Variants in ZNF592 observed in about 807,000 individuals in gnomAD.
ZNF592 encodes the protein spinocerebellar ataxia, autosomal recessive 5.
ZNF592 carries 11 observed loss-of-function variants against 80.3 expected under a neutral mutation model. The observed-to-expected ratio is 0.14, with a 90% CI of 0.09 to 0.23. The LOEUF (loss-of-function observed/expected upper bound fraction) is 0.23, where lower values mean the gene tolerates loss of function less well. Ranked by LOEUF, ZNF592 falls within the 10% of genes least tolerant of loss-of-function variation. The pLI is 1.00. For synonymous variants in ZNF592, 646 were observed against 640.3 expected (o/e 1.01, Z -0.13); for missense variants, 1,420 against 1,633.9 (o/e 0.87, Z 2.26).
At chr15:84,754,295 G>A (rs1045264417) in intron 1 of ZNF592, among the ~76,000 whole-genome samples, 5 of 152,118 alleles carry the variant, frequency 3.3e-5, no homozygotes, top group African/African-American at 9.7e-5. Flanking sequence ...ACGGTGGCTC[G>A]TGCTTGTAAT....
At chr15:84,761,433 G>A (rs1364913798) in intron 1 of ZNF592, among the ~76,000 whole-genome samples, 1 of 152,228 alleles carries the variant, frequency 6.6e-6, no homozygotes, top group East Asian at 1.9e-4. Flanking sequence ...ACATCAGTGA[G>A]ACTTGGTAAT....
intron 1 of ZNF592, among the ~76,000 whole-genome samples, chr15:84,757,395 G>A (rs988143226): frequency 6.7e-6 from 1 of 149,620 alleles, no homozygotes; most frequent in Non-Finnish European, 1.5e-5. Context: ...GCTGGAGTTG[G>A]AGTGCAGTGG....
intron 5 of ZNF592, among the ~76,000 whole-genome samples, chr15:84,796,970 G>A (rs557542572): frequency 4.6e-5 from 7 of 151,922 alleles, no homozygotes; most frequent in East Asian, 3.9e-4. Flanking sequence ...AGCTTCCCCC[G>A]CTCCCCCCCA....
intron 4 of ZNF592, among the ~76,000 whole-genome samples, chr15:84,789,741 A>G (rs1962689269): frequency 6.6e-6 from 1 of 152,068 alleles, no homozygotes; most frequent in Non-Finnish European, 1.5e-5. Flanking sequence ...ATGTTATCCT[A>G]TCTTTGGTCA....
chr15:84,778,635 C>G (rs895540295), intron 3 of ZNF592, among the ~76,000 whole-genome samples: 1 of 152,190 alleles, frequency 6.6e-6, no homozygotes, highest in African/African-American at 2.4e-5. Context: ...GAAACTTTTC[C>G]TGAGATGCTT....
chr15:84,761,200 A>G (rs1186437247), intron 1 of ZNF592, among the ~76,000 whole-genome samples: 1 of 152,148 alleles, frequency 6.6e-6, no homozygotes, highest in African/African-American at 2.4e-5. Flanking sequence ...TCCTGACCTC[A>G]GGTGATCCAC....
chr15:84,787,127 C>T (rs1019833119), intron 4 of ZNF592, among the ~76,000 whole-genome samples: 1 of 152,134 alleles, frequency 6.6e-6, no homozygotes, highest in African/African-American at 2.4e-5. Context: ...GCTGGGATTA[C>T]AGGCATGAGC....
chr15:84,784,952 A>G lies in ZNF592; in HGVS notation c.2220+57A>G. On this transcript the variant is annotated intron_variant, in intron 4 of 10. Transcript: ENST00000560079. The surrounding 1 kb of genome is among the most constrained non-coding windows in gnomAD (Gnocchi z 5.8). The stretch of plus-strand genomic sequence containing the variant: ...GCCCCTGGCTCACACAGGTTCCATG[A>G]CTGGGCATGGAGAGGAAAGCTCATT... 2 of 1,583,302 alleles carry G rather than the reference A, an allele frequency of 1.3e-6. No individual in the cohort carries two copies. Among genetic ancestry groups the G allele is most frequent in the Non-Finnish European group, 1.7e-6 (2 of 1,152,862 alleles).
chr15:84,776,169 A>T (rs931332072), intron 2 of ZNF592, among the ~76,000 whole-genome samples: 17 of 152,178 alleles, frequency 1.1e-4, no homozygotes, highest in African/African-American at 3.9e-4. Context: ...GCTCGTTCAG[A>T]TGCTTCAGGG....
Position 84,799,246 on chromosome 15 carries a change from G to T in ZNF592, c.3137+36G>T. 1 of 1,596,304 alleles carries T rather than the reference G, an allele frequency of 6.3e-7. No homozygotes were observed. Among genetic ancestry groups the T allele is most frequent in the South Asian group, 1.1e-5 (1 of 90,744 alleles). ...GGGGATAGTAGTGAGGAGGCCTGAGGTTCAAAAGACTCTGTCCGTGGCACC... is the reference window on the plus strand; with the variant it reads ...GGGGATAGTAGTGAGGAGGCCTGAGTTTCAAAAGACTCTGTCCGTGGCACC... On this transcript the variant is annotated intron_variant, in intron 9 of 10. Transcript: ENST00000560079. This position sits in a 1 kb window ranked among gnomAD's most constrained non-coding sequence, Gnocchi z 4.2.
intron 1 of ZNF592, among the ~76,000 whole-genome samples, chr15:84,760,636 G>GGT (rs1225036462): frequency 6.6e-6 from 1 of 152,102 alleles, no homozygotes; most frequent in Non-Finnish European, 1.5e-5. Flanking sequence ...GCATGTCTGC[G>GGT]GTGTGTGTGT....
intron 1 of ZNF592, among the ~76,000 whole-genome samples, chr15:84,758,664 C>G (rs1200767164): frequency 6.6e-6 from 1 of 151,218 alleles, no homozygotes; most frequent in Non-Finnish European, 1.5e-5. Context: ...GTAATCCCAG[C>G]ACTTTTGGGG....
At chr15:84,790,045 G>A (rs1962698168) in intron 4 of ZNF592, among the ~76,000 whole-genome samples, 1 of 152,082 alleles carries the variant, frequency 6.6e-6, no homozygotes, top group Non-Finnish European at 1.5e-5. Context: ...TTGTCTGTGG[G>A]TATGTTTGCT....
rs566303271 is a variant in ZNF592, at chr15:84,802,016, A to G, written c.3427A>G (p.Ile1143Val). ...CTCGGGGCTCGAGTTTCAGAGCCACATACCTCAGCACCAGGTGGACAGCTC... is the reference window on the plus strand; with the variant it reads ...CTCGGGGCTCGAGTTTCAGAGCCACGTACCTCAGCACCAGGTGGACAGCTC... ...TDSGLEFQSH[I>V]PQHQVDSSTA... The change falls in exon 11 of 11, where the codon ATA (isoleucine) becomes GTA (valine). Residue 1143 changes from isoleucine (I) to valine (V), a missense_variant. By Grantham distance (29) the Ile-to-Val change is conservative. Coordinates refer to ENST00000560079, the MANE Select transcript of ZNF592 (RefSeq NM_014630.3). 5.0e-6 allele frequency: 8 copies of G among 1,613,962 alleles called. No individual in the cohort carries two copies. Among genetic ancestry groups the G allele is most frequent in the Middle Eastern group, 1.7e-4 (1 of 6,048 alleles).
At chr15:84,770,819 AGCG>A (rs1899677012) in intron 2 of ZNF592, among the ~76,000 whole-genome samples, 1 of 152,220 alleles carries the variant, frequency 6.6e-6, no homozygotes, top group Non-Finnish European at 1.5e-5. Flanking sequence ...TCTGTCCAGC[AGCG>A]GCCTTCAGAC....
intron 2 of ZNF592, among the ~76,000 whole-genome samples, chr15:84,768,004 G>A (rs1032204811): frequency 2.0e-5 from 3 of 151,358 alleles, no homozygotes; most frequent in African/African-American, 7.3e-5. Context: ...AGCCTTTTGA[G>A]TAGCTGGGAC....
chr15:84,771,607 A>G (rs1211198334), intron 2 of ZNF592, among the ~76,000 whole-genome samples: 1 of 152,198 alleles, frequency 6.6e-6, no homozygotes, highest in African/African-American at 2.4e-5. Context: ...TTATGGCAAC[A>G]TGTGCATTAG....
chr15:84,795,002 A>G (rs965852281), intron 5 of ZNF592, among the ~76,000 whole-genome samples: 1 of 151,674 alleles, frequency 6.6e-6, no homozygotes, highest in African/African-American at 2.4e-5. Flanking sequence ...ACAGAGTTTT[A>G]CAATATTATT....
intron 1 of ZNF592, among the ~76,000 whole-genome samples, chr15:84,756,290 A>G (rs1899167646): frequency 6.6e-6 from 1 of 152,262 alleles, no homozygotes. Flanking sequence ...GCTAGAGCCA[A>G]TGTGAGCCAG....
Sources: allele counts gnomAD v4.1 joint callset (sites outside exome capture counted in the v4.1 genomes callset), GRCh38; gene constraint gnomAD v4.1.1; non-coding constraint Gnocchi (gnomAD v3.1); transcripts MANE v1.5; gene names NCBI Gene and HGNC (gene_info 2026-07-23, HGNC 2026-07-21).